Variants in DNAJB1 observed in about 807,000 individuals in gnomAD.
The protein encoded by DNAJB1 is dnaJ homolog subfamily B member 1.
In DNAJB1, 14 loss-of-function variants were observed where a neutral mutation model predicts 24.0. The ratio of observed to expected loss-of-function variants is 0.58; its 90% CI spans 0.39 to 0.91. The LOEUF (loss-of-function observed/expected upper bound fraction) is 0.91. DNAJB1 is among the 40% of genes least tolerant of loss of function. The pLI is 0.00. For synonymous variants in DNAJB1, 262 were observed against 174.4 expected, an observed-to-expected ratio of 1.50 and a Z score of -3.96; for missense variants, 517 against 458.1, an observed-to-expected ratio of 1.13 and a Z score of -1.17.
At chr19:14,540,605 T>C (rs1318776342) in intron 1 of DNAJB1, among the ~76,000 whole-genome samples, 3 of 151,788 alleles carry the variant, frequency 2.0e-5, no homozygotes, top group African/African-American at 7.3e-5. Flanking sequence ...TTGGCCAGGC[T>C]GGTCTTGAAC....
intron 1 of DNAJB1, among the ~76,000 whole-genome samples, chr19:14,549,641 G>A (rs2146597631): frequency 6.6e-6 from 1 of 151,372 alleles, no homozygotes; most frequent in Admixed American, 6.6e-5. Flanking sequence ...CTCAGCTTTT[G>A]GCCTCTTTAT....
upstream of DNAJB1, among the ~76,000 whole-genome samples, chr19:14,533,609 G>T (rs906370248): frequency 2.0e-5 from 3 of 152,258 alleles, no homozygotes; most frequent in East Asian, 5.8e-4. Context: ...ACAAATTAAT[G>T]TCTGGTTGAG....
upstream of DNAJB1, among the ~76,000 whole-genome samples, chr19:14,533,204 T>C (rs1480752727): frequency 6.6e-6 from 1 of 152,106 alleles, no homozygotes; most frequent in South Asian, 2.1e-4. Context: ...GCAAATCATG[T>C]GAGGTCAGGA....
chr19:14,553,649 C>T (rs766445654), upstream of DNAJB1, among the ~76,000 whole-genome samples: 84 of 152,122 alleles, frequency 5.5e-4, no homozygotes, highest in Non-Finnish European at 1.0e-3. Flanking sequence ...GCCGAGAGGG[C>T]TGAGCCGCTG....
intron 2 of DNAJB1, among the ~76,000 whole-genome samples, chr19:14,525,022 T>C (rs2072403831): frequency 6.6e-6 from 1 of 151,898 alleles, no homozygotes; most frequent in Non-Finnish European, 1.5e-5. Flanking sequence ...GATCACAAGG[T>C]CAAGAGATGG....
intron 1 of DNAJB1, among the ~76,000 whole-genome samples, chr19:14,557,179 G>A (rs1036132199): frequency 3.4e-5 from 5 of 145,544 alleles, no homozygotes; most frequent in East Asian, 2.0e-4. Flanking sequence ...TTGCTGTGTC[G>A]CCCAGGCTGG....
In DNAJB1 at chr19:14,538,823, G is replaced by A. The variant is rs1045545841; in HGVS notation, c.-213-11013C>T. On this transcript the variant is annotated intron_variant, in intron 1 of 3. Transcript: ENST00000676982. ...TGGGATTATAGGCATGAGCCACCAC[G>A]CCTGGCTGAGAAAAGCTTCAAAACT... is the stretch of plus-strand genomic sequence containing the variant. Among the ~76,000 whole-genome samples, 10 of 151,380 alleles carry A rather than the reference G, an allele frequency of 6.6e-5. No individual in the cohort carries two copies. The East Asian group carries it at 1.6e-3, about 24-fold the overall frequency.
upstream of DNAJB1, among the ~76,000 whole-genome samples, chr19:14,552,765 T>C (rs1226042255): frequency 1.3e-5 from 2 of 151,766 alleles, no homozygotes; most frequent in East Asian, 3.9e-4. Context: ...CTTGATCTCC[T>C]GACCTCGTGA....
intron 1 of DNAJB1, among the ~76,000 whole-genome samples, chr19:14,558,315 G>GT (rs1342634528): frequency 6.6e-6 from 1 of 152,144 alleles, no homozygotes; most frequent in Non-Finnish European, 1.5e-5. Context: ...GCCCCCATTA[G>GT]TAATATCTTC....
At chr19:14,553,981 A>T (rs2073630452), upstream of DNAJB1, among the ~76,000 whole-genome samples, 2 of 152,148 alleles carry the variant, frequency 1.3e-5, 1 homozygote, top group South Asian at 4.2e-4. Flanking sequence ...TCCTACCAGG[A>T]AGTGCAGTCC....
upstream of DNAJB1, chr19:14,529,593 C>G (rs898567454): frequency 6.4e-7 from 1 of 1,568,760 alleles, no homozygotes; most frequent in Non-Finnish European, 8.8e-7. Context: ...CGCAGAGCCG[C>G]GTTTAGTCTA....
chr19:14,536,008 G>T (rs1332842158), intron 1 of DNAJB1, among the ~76,000 whole-genome samples: 2 of 151,990 alleles, frequency 1.3e-5, no homozygotes, highest in African/African-American at 4.8e-5. Context: ...TAGGCACTCA[G>T]AATCTCAGAG....
chr19:14,559,743 C>G (rs923339906), intron 1 of DNAJB1, among the ~76,000 whole-genome samples: 7 of 151,282 alleles, frequency 4.6e-5, no homozygotes, highest in African/African-American at 1.7e-4. Context: ...GTCAAGATCG[C>G]ACTGCTGCAC....
At position 14,517,006 on chromosome 19, in the gene DNAJB1, A is replaced by G; in HGVS notation, c.252T>C (p.Gly84=). The G allele has an allele frequency of 6.2e-7, 1 of 1,606,456 alleles. No homozygotes were observed. Among genetic ancestry groups the G allele is most frequent in the Non-Finnish European group, 8.5e-7 (1 of 1,177,120 alleles). ...TGTAGCTGAAAGAGGTACCATTGGC[A>G]CCACCGCCGCTACCGCCACTGGGGC... is the stretch of plus-strand genomic sequence containing the variant. ...GSGPSGGSGG[G]ANGTSFSYTF... The change falls in exon 2 of 3, where the codon GGT becomes GGC. Residue 84 remains glycine (G), a synonymous_variant. Coordinates refer to ENST00000254322, the MANE Select transcript of DNAJB1 (RefSeq NM_006145.3).
chr19:14,555,162 T>C (rs2073674314), upstream of DNAJB1, among the ~76,000 whole-genome samples: 1 of 151,798 alleles, frequency 6.6e-6, no homozygotes, highest in African/African-American at 2.4e-5. Context: ...CACTGCAGCC[T>C]GGAACTCCTA....
chr19:14,517,168 G>T, intron 1 of DNAJB1, 122 bp from the exon 2 acceptor site: 1 of 1,008,744 alleles, frequency 9.9e-7, no homozygotes, highest in Non-Finnish European at 1.4e-6. Flanking sequence ...TCAGGGGAGA[G>T]CAAGGAAGAA....
At chr19:14,538,976 ATTT>A (rs869186799) in intron 1 of DNAJB1, among the ~76,000 whole-genome samples, 2 of 132,928 alleles carry the variant, frequency 1.5e-5, no homozygotes, top group Non-Finnish European at 1.6e-5. Flanking sequence ...TGCAAGTCAC[ATTT>A]TTTTTTTTTT....
chr19:14,541,229 A>G (rs1477249558), intron 1 of DNAJB1, among the ~76,000 whole-genome samples: 2 of 152,056 alleles, frequency 1.3e-5, no homozygotes, highest in African/African-American at 4.8e-5. Flanking sequence ...CTCCTGCCTC[A>G]GCCTCCCAAA....
At chr19:14,558,504 C>T (rs1054820991) in intron 1 of DNAJB1, among the ~76,000 whole-genome samples, 6 of 152,114 alleles carry the variant, frequency 3.9e-5, no homozygotes, top group African/African-American at 7.2e-5. Flanking sequence ...GGCTGGGCCC[C>T]GGGAATCTTG....
Sources: allele counts gnomAD v4.1 joint callset (sites outside exome capture counted in the v4.1 genomes callset), GRCh38; gene constraint gnomAD v4.1.1; transcripts MANE v1.5; gene names NCBI Gene and HGNC (gene_info 2026-07-23, HGNC 2026-07-21).